Variants in DNAH11 observed in about 807,000 individuals in gnomAD.
DNAH11 encodes the protein dynein axonemal heavy chain 11, also known as axonemal beta dynein heavy chain 11.
Under a neutral mutation model 526.0 loss-of-function variants are expected in DNAH11, and 442 were observed. The ratio of observed to expected loss-of-function variants is 0.84; its 90% CI spans 0.78 to 0.91. The LOEUF is 0.91. Ranked by LOEUF, DNAH11 falls within the 40% of genes least tolerant of loss-of-function variation. The pLI, the probability that DNAH11 is intolerant of heterozygous loss-of-function variation, is 0.00. For missense variants in DNAH11, 6,989 were observed against 5,448.7 expected (o/e 1.28, Z -8.90); for synonymous variants, 2,461 against 1,935.9 (o/e 1.27, Z -7.12).
intron 39 of DNAH11, among the ~76,000 whole-genome samples, 158 bp from the exon 40 acceptor site, chr7:21,707,541 G>A (rs1268870388): frequency 6.6e-6 from 1 of 152,212 alleles, no homozygotes; most frequent in Non-Finnish European, 1.5e-5. Flanking sequence ...AGATGGTAAT[G>A]GGAATGCACA....
At chr7:21,592,213 G>T (rs1297917040) in intron 14 of DNAH11, among the ~76,000 whole-genome samples, 1 of 152,204 alleles carries the variant, frequency 6.6e-6, no homozygotes, top group African/African-American at 2.4e-5. Context: ...AAATAGATAT[G>T]TCAGTTGTAA....
At chr7:21,892,354 G>A (rs376598363) in intron 76 of DNAH11, 71 bp from the exon 77 acceptor site, 27 of 1,542,088 alleles carry the variant, frequency 1.8e-5, no homozygotes, top group Middle Eastern at 1.9e-4. Flanking sequence ...GGGTCTTCTC[G>A]AAGTGTTGAG....
intron 14 of DNAH11, among the ~76,000 whole-genome samples, chr7:21,594,026 A>T (rs1222076166): frequency 1.4e-5 from 2 of 147,742 alleles, no homozygotes; most frequent in Non-Finnish European, 3.0e-5. Flanking sequence ...ACTCACACAC[A>T]CTCTTTCTCC....
In DNAH11 at chr7:21,728,838, CTT is replaced by C. The variant is rs568846344; in HGVS notation, c.7440+2855_7440+2856del. On this transcript the variant is annotated intron_variant, in intron 45 of 81. Coordinates refer to ENST00000409508, the MANE Select transcript of DNAH11 (RefSeq NM_001277115.2). Reference sequence around the variant, plus strand: ...TCACAGGTCCCAAGCAAGTCCAAAACTTAGCAGAGCAAATTCCTTTAGATTCT... The same window carrying C: ...TCACAGGTCCCAAGCAAGTCCAAAACAGCAGAGCAAATTCCTTTAGATTCT... Among the ~76,000 whole-genome samples the C allele has an allele frequency of 9.2e-5, 14 of 152,346 alleles. 1 individual carries two copies. The East Asian group carries it at 2.7e-3, about 29-fold the overall frequency.
intron 14 of DNAH11, among the ~76,000 whole-genome samples, chr7:21,592,893 G>A (rs1784739051): frequency 1.3e-5 from 2 of 152,150 alleles, no homozygotes. Flanking sequence ...GAAAAAAAAA[G>A]GAGGTTTGGT....
At chr7:21,773,186 A>C (rs926809152) in intron 55 of DNAH11, among the ~76,000 whole-genome samples, 1 of 152,188 alleles carries the variant, frequency 6.6e-6, no homozygotes, top group African/African-American at 2.4e-5. Flanking sequence ...CCAGTAACTC[A>C]TTGAAGGAGA....
Position 21,711,692 on chromosome 7 carries a change from C to T in DNAH11, c.6835-20C>T. On this transcript the variant is annotated intron_variant, in intron 41 of 81. Coordinates refer to ENST00000409508, the MANE Select transcript of DNAH11 (RefSeq NM_001277115.2). ...CGGCATTGCTTTTGCCCATGGGTGA[C>T]AGTGTGCTGCTCACTCCAGGTGCTG... is the stretch of plus-strand genomic sequence containing the variant. 6.2e-7 allele frequency: 1 copy of T among 1,606,346 alleles called. No individual in the cohort carries two copies. The highest frequency in any genetic ancestry group is 8.5e-7 in the Non-Finnish European group (1 of 1,174,852).
intron 54 of DNAH11, among the ~76,000 whole-genome samples, chr7:21,750,984 A>G (rs1786388069): frequency 6.6e-6 from 1 of 152,162 alleles, no homozygotes; most frequent in Non-Finnish European, 1.5e-5. Flanking sequence ...TTGAATTAAG[A>G]AAGTGATGAT....
intron 2 of DNAH11, among the ~76,000 whole-genome samples, chr7:21,550,365 A>G (rs1583473256): frequency 6.6e-6 from 1 of 152,126 alleles, no homozygotes; most frequent in East Asian, 1.9e-4. Context: ...CTTTTAACCT[A>G]AGGGATGACA....
intron 53 of DNAH11, 137 bp from the exon 54 acceptor site, chr7:21,750,085 A>G: frequency 1.6e-6 from 2 of 1,219,296 alleles, no homozygotes; most frequent in Non-Finnish European, 2.2e-6. Flanking sequence ...ATAAAAAAGA[A>G]ACATGACGTT....
At chr7:21,647,353 CAT>C (rs1226911725) in intron 28 of DNAH11, among the ~76,000 whole-genome samples, 3 of 150,994 alleles carry the variant, frequency 2.0e-5, no homozygotes, top group African/African-American at 7.3e-5. Flanking sequence ...AATGAACAAA[CAT>C]AAGGATGACA....
chr7:21,877,422 C>T (rs1783756694), intron 74 of DNAH11, among the ~76,000 whole-genome samples: 1 of 152,122 alleles, frequency 6.6e-6, no homozygotes, highest in East Asian at 1.9e-4. Context: ...TTAGAATTTA[C>T]CTCCAAACTT....
chr7:21,710,511 C>A, intron 40 of DNAH11, 42 bp from the exon 41 acceptor site: 1 of 1,503,364 alleles, frequency 6.7e-7, no homozygotes, highest in African/African-American at 1.4e-5. Context: ...TAATATCAAT[C>A]TATCGTAGAA....
intron 28 of DNAH11, among the ~76,000 whole-genome samples, chr7:21,640,825 T>C (rs1161998542): frequency 1.3e-5 from 2 of 152,182 alleles, no homozygotes; most frequent in Admixed American, 6.5e-5. Flanking sequence ...TAACTTGGTG[T>C]TGGGAGGGAG....
At chr7:21,830,731 T>G (rs1314751305) in intron 65 of DNAH11, among the ~76,000 whole-genome samples, 2 of 152,124 alleles carry the variant, frequency 1.3e-5, no homozygotes, top group Non-Finnish European at 2.9e-5. Flanking sequence ...TGATCTAATA[T>G]TATGCTCTGC....
At chr7:21,883,917 C>A (rs1048632104) in intron 75 of DNAH11, among the ~76,000 whole-genome samples, 1 of 152,122 alleles carries the variant, frequency 6.6e-6, no homozygotes, top group Non-Finnish European at 1.5e-5. Context: ...GTGTCCTGTG[C>A]CTGTAGTCCT....
chr7:21,636,844 G>T (rs952675227), intron 26 of DNAH11, among the ~76,000 whole-genome samples: 1 of 152,068 alleles, frequency 6.6e-6, no homozygotes, highest in Non-Finnish European at 1.5e-5. Context: ...TGGTAATAAA[G>T]GTAAACAGAT....
intron 66 of DNAH11, among the ~76,000 whole-genome samples, chr7:21,845,935 A>G (rs2128019015): frequency 6.6e-6 from 1 of 152,240 alleles, no homozygotes. Flanking sequence ...AGTCCTCCAG[A>G]CAGATCTTCA....
intron 30 of DNAH11, among the ~76,000 whole-genome samples, chr7:21,662,215 C>G (rs1429375392): frequency 6.6e-6 from 1 of 152,072 alleles, no homozygotes; most frequent in Non-Finnish European, 1.5e-5. Flanking sequence ...ATGATGGTGT[C>G]CAGTGTGGTA....
Sources: gnomAD v4.1 joint callset for allele counts (sites outside exome capture counted in the v4.1 genomes callset) on GRCh38, gnomAD v4.1.1 for gene constraint, MANE v1.5 for transcripts, NCBI Gene and HGNC (gene_info 2026-07-23, HGNC 2026-07-21) for gene names.